The following CTSA variants were observed in gnomAD, a reference collection of about 807,000 sequenced individuals.
The protein encoded by CTSA is lysosomal protective protein.
A neutral mutation model predicts 66.7 loss-of-function variants in CTSA; 42 were observed. The observed-to-expected ratio is 0.63, with a 90% CI of 0.49 to 0.81. The LOEUF (loss-of-function observed/expected upper bound fraction) is 0.81. CTSA is among the 40% of genes least tolerant of loss of function. The probability of loss-of-function intolerance (pLI) is 0.00; values close to 1 mark genes in which losing one functional copy is unlikely to be tolerated. For synonymous variants in CTSA, 225 were observed against 248.6 expected (o/e 0.91, Z 0.89); for missense variants, 525 against 610.9 (o/e 0.86, Z 1.48).
chr20:45,897,779 G>A lies in CTSA; in HGVS notation c.1227G>A (p.Glu409=). The A allele has an allele frequency of 2.5e-6, 4 of 1,611,766 alleles. No homozygotes were observed. Among genetic ancestry groups the A allele is most frequent in the Non-Finnish European group, 3.4e-6 (4 of 1,177,908 alleles). ...TGGCCTGCAATTTCATGGGGGATGAGTGGTTTGTGGATTCCCTCAACCAGA... is the reference window on the plus strand; with the variant it reads ...TGGCCTGCAATTTCATGGGGGATGAATGGTTTGTGGATTCCCTCAACCAGA... ...VDMACNFMGD[E]WFVDSLNQKM... Residue 409 remains glutamate (E), a synonymous_variant, in exon 13 of 15, where the codon GAG becomes GAA. Coordinates refer to ENST00000646241, the MANE Select transcript of CTSA (RefSeq NM_000308.4).
intron 12 of CTSA, 82 bp downstream of exon 12, chr20:45,897,122 C>T: frequency 9.1e-7 from 1 of 1,103,730 alleles, no homozygotes; most frequent in Admixed American, 1.7e-5. Context: ...CTTGAGACTT[C>T]CTGTCAGGAC....
intron 8 of CTSA, 73 bp downstream of exon 8, chr20:45,894,145 G>A (rs1453601601): frequency 5.6e-6 from 6 of 1,062,606 alleles, no homozygotes; most frequent in Non-Finnish European, 5.9e-6. Context: ...TTCCCTCCTT[G>A]GGGACTCCTT....
rs2083136564 is a variant in CTSA, at chr20:45,898,388, A to G, written c.1381A>G (p.Thr461Ala). ...TCAGGGCGCCGGCCACATGGTTCCC[A>G]CCGACAAGCCCCTCGCTGCCTTCAC... ...TIKGAGHMVP[T>A]DKPLAAFTMF... The change falls in exon 15 of 15, where the codon ACC becomes GCC. Residue 461 changes from threonine (T) to alanine (A), a missense_variant. Physicochemically the swap from Thr to Ala is moderately conservative, Grantham distance 58. Around this residue, in one of 3 missense-constraint regions of CTSA, gnomAD observed 274 missense variants for 321.1 expected, o/e 0.85. Transcript: ENST00000646241. The surrounding 1 kb of genome is among the most constrained non-coding windows in gnomAD (Gnocchi z 4.6). 6.2e-7 allele frequency: 1 copy of G among 1,613,912 alleles called. No homozygotes were observed. The highest frequency in any genetic ancestry group is 1.7e-5 in the Admixed American group (1 of 60,004).
intron 13 of CTSA, 65 bp downstream of exon 13, chr20:45,897,871 G>A: frequency 6.7e-7 from 1 of 1,501,730 alleles, no homozygotes; most frequent in Non-Finnish European, 9.3e-7. Context: ...GGGTATGCCT[G>A]GGAGTGGCCA....
Position 45,898,106 on chromosome 20 carries a change from C to A in CTSA, c.1356C>A (p.Ile452=), listed in dbSNP as rs1201030038. The A allele has an allele frequency of 2.5e-6, 4 of 1,613,556 alleles. No homozygotes were observed. Among genetic ancestry groups the A allele is most frequent in the Non-Finnish European group, 3.4e-6 (4 of 1,179,674 alleles). The change falls in exon 14 of 15, where the codon ATC becomes ATA. Residue 452 remains isoleucine, a synonymous_variant. Coordinates refer to ENST00000646241, the MANE Select transcript of CTSA (RefSeq NM_000308.4). The surrounding 1 kb of genome is among the most constrained non-coding windows in gnomAD (Gnocchi z 4.6). ...KEFSHIAFLT[I]KGAGHMVPTD... ...TCTCCCACATCGCCTTTCTCACGATCAAGGTAGGGACTGGGCCTGCTGAGA... is the reference window on the plus strand; with the variant it reads ...TCTCCCACATCGCCTTTCTCACGATAAAGGTAGGGACTGGGCCTGCTGAGA...
At chr20:45,893,938 T>G in intron 7 of CTSA, 50 bp from the exon 8 acceptor site, 2 of 1,217,666 alleles carry the variant, frequency 1.6e-6, no homozygotes, top group Non-Finnish European at 2.4e-6. Flanking sequence ...CTCCTCTGCC[T>G]TCCTCTTCCC....
chr20:45,892,120 C>G, intron 3 of CTSA, 93 bp downstream of exon 3: 1 of 1,450,838 alleles, frequency 6.9e-7, no homozygotes, highest in South Asian at 1.1e-5. Flanking sequence ...AAGTTTCCTT[C>G]CTTCTAAGCC....
chr20:45,894,375 C>T (rs1987126541), intron 8 of CTSA: 1 of 609,188 alleles, frequency 1.6e-6, no homozygotes, highest in Non-Finnish European at 2.9e-6. Flanking sequence ...GATTCCCCCT[C>T]AAATGAGATC....
chr20:45,895,193 G>A (rs1987186360), intron 11 of CTSA, 60 bp downstream of exon 11: 8 of 1,603,792 alleles, frequency 5.0e-6, no homozygotes, highest in African/African-American at 4.0e-5. Context: ...TGTGGGCATC[G>A]GCAGGTTTCT....
Position 45,892,415 on chromosome 20 carries a change from C to T in CTSA, c.375C>T (p.Tyr125=). ...CCCTCTAGATTGCCAATGTGTTATA[C>T]CTGGAGTCCCCAGCTGGGGTGGGCT... The part of the protein sequence containing the change: ...YSWNLIANVL[Y]LESPAGVGFS... Residue 125 remains tyrosine (Y), a synonymous_variant, in exon 5 of 15, where the codon TAC becomes TAT. Transcript: ENST00000646241. The T allele has an allele frequency of 1.2e-6, 2 of 1,614,172 alleles. No homozygotes were observed. Among genetic ancestry groups the T allele is most frequent in the Non-Finnish European group, 1.7e-6 (2 of 1,180,024 alleles).
chr20:45,894,466 C>A, intron 8 of CTSA, 184 bp from the exon 9 acceptor site: 1 of 673,806 alleles, frequency 1.5e-6, no homozygotes, highest in Non-Finnish European at 2.7e-6. Flanking sequence ...TGTTGGGAGG[C>A]AGTGATGCTA....
chr20:45,893,487 T>TG, intron 7 of CTSA, 176 bp downstream of exon 7: 1 of 141,932 alleles, frequency 7.0e-6, no homozygotes, highest in Non-Finnish European at 1.2e-5. Context: ...TCTTTCTTTC[T>TG]TTTTTTTTTT....
Position 45,898,347 on chromosome 20 carries a change from T to TC in CTSA, c.1360-19dup. ...AGGAGGGAATGGTGGGGTCAGGAGC[T>TC]CACGAACATTGCTCCTCAGGGCGCC... On this transcript the variant is annotated intron_variant, in intron 14 of 14. Transcript: ENST00000646241. The surrounding 1 kb of genome is among the most constrained non-coding windows in gnomAD (Gnocchi z 4.6). 1 of 1,604,764 alleles carries TC rather than the reference T, an allele frequency of 6.2e-7. No individual in the cohort carries two copies.
At chr20:45,897,669 G>A in intron 12 of CTSA, 48 bp from the exon 13 acceptor site, 1 of 1,131,222 alleles carries the variant, frequency 8.8e-7, no homozygotes, top group East Asian at 2.3e-5. Context: ...GAAGGGCTGG[G>A]GACTGGGCTT....
intron 8 of CTSA, 56 bp downstream of exon 8, chr20:45,894,128 G>A: frequency 8.1e-7 from 1 of 1,230,944 alleles, no homozygotes; most frequent in Non-Finnish European, 1.2e-6. Context: ...CTGAGAACAG[G>A]ACCACATTCC....
chr20:45,897,746 T>C lies in CTSA; in HGVS notation c.1194T>C (p.Asp398=), dbSNP rs758191810. ...ACCAGATCCTATTATATAATGGAGA[T>C]GTAGACATGGCCTGCAATTTCATGG... ...QKYQILLYNG[D]VDMACNFMGD... Residue 398 remains aspartate (D), a synonymous_variant, in exon 13 of 15, where the codon GAT becomes GAC. Coordinates refer to ENST00000646241, the MANE Select transcript of CTSA (RefSeq NM_000308.4). 2 of 1,611,708 alleles carry C rather than the reference T, an allele frequency of 1.2e-6. No individual in the cohort carries two copies. Among genetic ancestry groups the C allele is most frequent in the East Asian group, 4.5e-5 (2 of 44,838 alleles).
rs373498418 is a variant in CTSA at position 45,892,839 on chromosome 20, C to G, written c.559C>G (p.Leu187Val). The G allele has an allele frequency of 3.7e-6, 6 of 1,614,204 alleles. No individual in the cohort carries two copies. Among genetic ancestry groups the G allele is most frequent in the Non-Finnish European group, 4.2e-6 (5 of 1,180,038 alleles). Residue 187 changes from leucine (L) to valine (V), a missense_variant, in exon 6 of 15, where the codon CTG (leucine) becomes GTG (valine). Physicochemically the swap from Leu to Val is conservative, Grantham distance 32 (BLOSUM62 1). Coordinates refer to ENST00000646241, the MANE Select transcript of CTSA (RefSeq NM_000308.4). ...CTATGCTGGCATCTACATCCCCACC[C>G]TGGCCGTGCTGGTCATGCAGGATCC... is the stretch of plus-strand genomic sequence containing the variant. Reference protein sequence around the residue: ...ESYAGIYIPTLAVLVMQDPSM... With the variant: ...ESYAGIYIPTVAVLVMQDPSM...
rs554712851 is a variant in CTSA, at chr20:45,891,820, G to C, written c.194+58G>C. The C allele has an allele frequency of 1.5e-5, 24 of 1,612,334 alleles. No individual in the cohort carries two copies. The highest frequency in any genetic ancestry group is 1.2e-4 in the African/African-American group (9 of 75,040). On this transcript the variant is annotated intron_variant, in intron 2 of 14. Coordinates refer to ENST00000646241, the MANE Select transcript of CTSA (RefSeq NM_000308.4). This position sits in a 1 kb window ranked among gnomAD's most constrained non-coding sequence, Gnocchi z 4.6. ...AGAAGAGATGACGGATGAGGGATGG[G>C]GGGTAGTTCTGCAGACCCCTGAGGA... is the stretch of plus-strand genomic sequence containing the variant.
At chr20:45,896,501 T>C in intron 11 of CTSA, 1 of 232,498 alleles carries the variant, frequency 4.3e-6, no homozygotes, top group South Asian at 5.6e-5. Context: ...GCTGCGATCT[T>C]GGCTCACTGC....
Sources: gnomAD v4.1 joint callset for allele counts on GRCh38, gnomAD v4.1.1 for gene constraint, gnomAD v4.1.1 regional missense constraint, Gnocchi (gnomAD v3.1) non-coding constraint, MANE v1.5 for transcripts, NCBI Gene and HGNC (gene_info 2026-07-23, HGNC 2026-07-21) for gene names.